The following NEO1 variants were observed in gnomAD, a reference collection of about 807,000 sequenced individuals.
The protein encoded by NEO1 is neogenin.
NEO1 carries 63 observed loss-of-function variants against 159.7 expected under a neutral mutation model. The ratio of observed to expected loss-of-function variants is 0.39; its 90% confidence interval spans 0.32 to 0.49. NEO1 has a LOEUF of 0.49. Among genes scored for constraint, NEO1 ranks in the 20% least tolerant of loss-of-function variants. The pLI is 0.85. For synonymous variants in NEO1, 633 were observed against 662.0 expected (o/e 0.96, Z 0.67); for missense variants, 1,615 against 1,831.0 (o/e 0.88, Z 2.15).
intron 22 of NEO1, among the ~76,000 whole-genome samples, chr15:73,280,492 C>T (rs2041644462): frequency 6.6e-6 from 1 of 152,110 alleles, no homozygotes. Flanking sequence ...TCCACCTCTG[C>T]CTGCCTCCCA....
rs780273691 is a variant in NEO1, at chr15:73,298,589, C to A, written c.4143C>A (p.Ser1381Arg). The change falls in exon 27 of 29, where the codon AGC (serine) becomes AGA (arginine). Residue 1381 changes from serine (S) to arginine (R), a missense_variant. Around this residue, in one of 3 missense-constraint regions of NEO1, gnomAD observed 471 missense variants for 498.9 expected, o/e 0.94. Transcript: ENST00000261908. ...GPPTYDPALP[S>R]TPLLSQQALN... ...CCACCTATGATCCTGCATTGCCAAGCACACCATTACTGTCCCAGCAAGGTG... is the reference window on the plus strand; with the variant it reads ...CCACCTATGATCCTGCATTGCCAAGAACACCATTACTGTCCCAGCAAGGTG... 6.2e-6 allele frequency: 10 copies of A among 1,614,218 alleles called. No individual in the cohort carries two copies. Among genetic ancestry groups the A allele is most frequent in the Non-Finnish European group, 8.5e-6 (10 of 1,180,034 alleles).
intron 5 of NEO1, among the ~76,000 whole-genome samples, chr15:73,156,112 G>A (rs557248287): frequency 6.6e-6 from 1 of 152,180 alleles, no homozygotes; most frequent in South Asian, 2.1e-4. Flanking sequence ...TTCATTGAGT[G>A]GGGAGACTTT....
chr15:73,175,300 T>C (rs796106689), intron 5 of NEO1, among the ~76,000 whole-genome samples: 12 of 152,288 alleles, frequency 7.9e-5, no homozygotes, highest in African/African-American at 2.9e-4. Context: ...AGAGAACAAC[T>C]GGAAATTTTA....
chr15:73,062,880 G>A (rs921478728), intron 1 of NEO1, among the ~76,000 whole-genome samples: 1 of 152,156 alleles, frequency 6.6e-6, no homozygotes, highest in Non-Finnish European at 1.5e-5. Context: ...GAAAAGTCTA[G>A]GCTAGAAACG....
intron 25 of NEO1, among the ~76,000 whole-genome samples, chr15:73,292,994 G>T (rs1478609401): frequency 6.6e-6 from 1 of 152,134 alleles, no homozygotes; most frequent in Non-Finnish European, 1.5e-5. Context: ...TTGGCTTATG[G>T]ATTTATATTT....
chr15:73,179,245 G>C (rs1471997714), intron 7 of NEO1, among the ~76,000 whole-genome samples: 1 of 152,140 alleles, frequency 6.6e-6, no homozygotes, highest in Non-Finnish European at 1.5e-5. Context: ...GACAATATAA[G>C]AATGGCAACT....
chr15:73,108,459 G>A (rs1363471919), intron 1 of NEO1, among the ~76,000 whole-genome samples: 1 of 152,180 alleles, frequency 6.6e-6, no homozygotes, highest in African/African-American at 2.4e-5. Context: ...GAGATTTGAT[G>A]TTATCCACAG....
chr15:73,184,882 T>G (rs2035831175), intron 7 of NEO1, among the ~76,000 whole-genome samples: 1 of 151,824 alleles, frequency 6.6e-6, no homozygotes, highest in African/African-American at 2.4e-5. Flanking sequence ...GAGCCAAGAT[T>G]GCACCACTGC....
chr15:73,107,475 T>G (rs1475583254), intron 1 of NEO1, among the ~76,000 whole-genome samples: 2 of 152,224 alleles, frequency 1.3e-5, no homozygotes, highest in Non-Finnish European at 2.9e-5. Context: ...TAAAAATAAC[T>G]TGATGGTTTA....
intron 1 of NEO1, among the ~76,000 whole-genome samples, chr15:73,108,610 C>G (rs915767577): frequency 2.7e-5 from 4 of 150,084 alleles, no homozygotes; most frequent in African/African-American, 7.6e-5. Context: ...TTTTAATACT[C>G]TCTAATAGTC....
At chr15:73,104,738 G>A (rs889306003) in intron 1 of NEO1, among the ~76,000 whole-genome samples, 2 of 152,168 alleles carry the variant, frequency 1.3e-5, no homozygotes, top group Non-Finnish European at 2.9e-5. Flanking sequence ...TGCAGGCTGT[G>A]CAGGAAGCAT....
At chr15:73,078,601 GA>G (rs1567145106) in intron 1 of NEO1, among the ~76,000 whole-genome samples, 1 of 152,244 alleles carries the variant, frequency 6.6e-6, no homozygotes, top group Non-Finnish European at 1.5e-5. Flanking sequence ...TAGGGACACT[GA>G]GGTGTAGGGT....
intron 1 of NEO1, among the ~76,000 whole-genome samples, chr15:73,075,218 G>C (rs1370451822): frequency 6.6e-6 from 1 of 152,156 alleles, no homozygotes; most frequent in Admixed American, 6.6e-5. Context: ...ACGTCCAGCA[G>C]CCTTTTATCT....
intron 11 of NEO1, among the ~76,000 whole-genome samples, chr15:73,252,857 G>A (rs1003177555): frequency 6.6e-6 from 1 of 152,138 alleles, no homozygotes; most frequent in South Asian, 2.1e-4. Context: ...GGGCGTGGTA[G>A]CAGGCTTCTG....
chr15:73,177,348 A>G (rs1343985563), intron 6 of NEO1, among the ~76,000 whole-genome samples: 5 of 152,200 alleles, frequency 3.3e-5, no homozygotes, highest in Admixed American at 3.3e-4. Context: ...ATGTCTCATT[A>G]CAAATTTGTC....
chr15:73,215,128 G>A (rs1355984553), intron 7 of NEO1, among the ~76,000 whole-genome samples: 1 of 152,158 alleles, frequency 6.6e-6, no homozygotes, highest in Non-Finnish European at 1.5e-5. Context: ...CATTAATCTT[G>A]TATCCAGAAA....
At position 73,224,148 on chromosome 15, in the gene NEO1, A is replaced by G. The variant is rs550275745; in HGVS notation, c.1292-12199A>G. On this transcript the variant is annotated intron_variant, in intron 7 of 28. Coordinates refer to ENST00000261908, the MANE Select transcript of NEO1 (RefSeq NM_002499.4). ...AGGGCCCCAATCCCTTCTAGCTTCTAGGGTTTCTGCTGAGAAATCTTCTGT... is the reference window on the plus strand; with the variant it reads ...AGGGCCCCAATCCCTTCTAGCTTCTGGGGTTTCTGCTGAGAAATCTTCTGT... Among the ~76,000 whole-genome samples the G allele has an allele frequency of 1.8e-3, 277 of 152,306 alleles. 2 individuals are homozygous for G. The highest frequency in any genetic ancestry group is 3.4e-3 in the Middle Eastern group (1 of 294).
chr15:73,117,747 A>G (rs892703783), intron 2 of NEO1, among the ~76,000 whole-genome samples: 1 of 152,138 alleles, frequency 6.6e-6, no homozygotes, highest in Non-Finnish European at 1.5e-5. Flanking sequence ...CAAATACTCA[A>G]AGTTGAATTT....
intron 1 of NEO1, among the ~76,000 whole-genome samples, chr15:73,059,784 A>G (rs1196088706): frequency 2.6e-5 from 4 of 152,222 alleles, no homozygotes; most frequent in African/African-American, 9.6e-5. Context: ...AGAATTCTCA[A>G]GAAGGAGTTA....
Sources: allele counts gnomAD v4.1 joint callset (sites outside exome capture counted in the v4.1 genomes callset), GRCh38; gene constraint gnomAD v4.1.1; regional missense constraint gnomAD v4.1.1; transcripts MANE v1.5; gene names NCBI Gene and HGNC (gene_info 2026-07-23, HGNC 2026-07-21).